The following TSEN2 variants were observed in gnomAD, a reference collection of about 807,000 sequenced individuals.
The protein encoded by TSEN2 is tRNA splicing endonuclease subunit 2.
Under a neutral mutation model 59.2 loss-of-function variants are expected in TSEN2, and 54 were observed. The observed-to-expected ratio is 0.91, with a 90% CI of 0.73 to 1.14. The LOEUF is 1.14. TSEN2 is among the 50% of genes most tolerant of loss of function. TSEN2 has a pLI of 0.00. For missense variants in TSEN2, 636 were observed against 576.2 expected (o/e 1.10, Z -1.06); for synonymous variants, 195 against 198.2 (o/e 0.98, Z 0.14).
chr3:12,495,558 T>G (rs2053663125), intron 3 of TSEN2, among the ~76,000 whole-genome samples: 1 of 152,202 alleles, frequency 6.6e-6, no homozygotes, highest in Admixed American at 6.5e-5. Context: ...GTGATTTGAT[T>G]GTTCAACCTA....
intron 8 of TSEN2, among the ~76,000 whole-genome samples, chr3:12,521,750 G>C (rs192914826): frequency 6.6e-6 from 1 of 152,074 alleles, no homozygotes; most frequent in Non-Finnish European, 1.5e-5. Flanking sequence ...GGTGGCTCAC[G>C]CCTGTAATCC....
intron 8 of TSEN2, among the ~76,000 whole-genome samples, chr3:12,522,196 G>A (rs1027105301): frequency 9.2e-5 from 14 of 151,946 alleles, no homozygotes; most frequent in African/African-American, 2.9e-4. Context: ...TGATGCATAG[G>A]GGAAGCTTCC....
chr3:12,511,815 C>T (rs1004171923), intron 6 of TSEN2, among the ~76,000 whole-genome samples: 4 of 152,236 alleles, frequency 2.6e-5, no homozygotes, highest in Non-Finnish European at 4.4e-5. Flanking sequence ...GAACCACCTG[C>T]CTTGGCCTCC....
chr3:12,517,331 C>T (rs567034061), intron 7 of TSEN2, among the ~76,000 whole-genome samples: 12 of 137,394 alleles, frequency 8.7e-5, no homozygotes, highest in African/African-American at 2.4e-4. Context: ...GCTCTCCAGC[C>T]TGGGCGACAG....
intron 3 of TSEN2, among the ~76,000 whole-genome samples, chr3:12,493,720 C>A (rs2053462600): frequency 6.6e-6 from 1 of 151,790 alleles, no homozygotes; most frequent in Non-Finnish European, 1.5e-5. Context: ...GAGCAAGACT[C>A]CGTTTCTAAA....
rs1161837787 is a variant in TSEN2, at chr3:12,519,041, T to C, written c.961-18T>C. ...GCATACATAGTAATGCTTTTTGTTT[T>C]TTTGTAAATAACTTTAGGAGCCTTT... On this transcript the variant is annotated intron_variant, in intron 7 of 11. Transcript: ENST00000284995. The C allele has an allele frequency of 1.9e-6, 3 of 1,614,008 alleles. No homozygotes were observed. Among genetic ancestry groups the C allele is most frequent in the Non-Finnish European group, 2.5e-6 (3 of 1,180,010 alleles).
At chr3:12,506,750 T>C (rs925087573) in intron 6 of TSEN2, 1 of 985,258 alleles carries the variant, frequency 1.0e-6, no homozygotes, top group African/African-American at 1.7e-5. Flanking sequence ...CTAGGACCGC[T>C]TCTTGGGCTC....
chr3:12,513,439 C>T (rs1365600667), intron 6 of TSEN2, among the ~76,000 whole-genome samples: 1 of 152,110 alleles, frequency 6.6e-6, no homozygotes, highest in African/African-American at 2.4e-5. Context: ...AGGAGGAAAA[C>T]TAAAATTAAT....
intron 7 of TSEN2, 81 bp from the exon 8 acceptor site, chr3:12,518,978 G>T (rs2056393669): frequency 7.2e-7 from 1 of 1,384,056 alleles, no homozygotes; most frequent in South Asian, 1.2e-5. Flanking sequence ...TCCACACTTA[G>T]TATAGATGTT....
chr3:12,504,640 C>G lies in TSEN2; in HGVS notation c.832-514C>G, dbSNP rs115703406. On this transcript the variant is annotated intron_variant, in intron 5 of 11. Transcript: ENST00000284995. Reference sequence around the variant, plus strand: ...TTCACCAACAAAATGATTACAACTGCAGGAAAAATTCACAGGGGAAAAAGG... The same window carrying G: ...TTCACCAACAAAATGATTACAACTGGAGGAAAAATTCACAGGGGAAAAAGG... Among the ~76,000 whole-genome samples, 477 of 152,240 alleles carry G rather than the reference C, an allele frequency of 3.1e-3. 1 individual carries two copies. Among genetic ancestry groups the G allele is most frequent in the African/African-American group, 0.01 (436 of 41,534 alleles).
chr3:12,516,759 C>A, intron 7 of TSEN2, 98 bp downstream of exon 7: 1 of 1,201,060 alleles, frequency 8.3e-7, no homozygotes, highest in Non-Finnish European at 1.2e-6. Flanking sequence ...AATGTTTCTA[C>A]TCTTACTGAA....
chr3:12,505,076 TG>T, intron 5 of TSEN2, 77 bp from the exon 6 acceptor site: 1 of 871,222 alleles, frequency 1.1e-6, no homozygotes, highest in Non-Finnish European at 1.9e-6. Flanking sequence ...ATAAGAAAAA[TG>T]TTCATTTTAA....
chr3:12,515,346 G>A (rs758266592), intron 6 of TSEN2, among the ~76,000 whole-genome samples: 1 of 152,246 alleles, frequency 6.6e-6, no homozygotes, highest in Non-Finnish European at 1.5e-5. Flanking sequence ...GCTTATGACA[G>A]GGAGGGGATT....
chr3:12,503,186 G>C, intron 4 of TSEN2, 76 bp from the exon 5 acceptor site: 1 of 1,559,710 alleles, frequency 6.4e-7, no homozygotes, highest in African/African-American at 1.4e-5. Context: ...TCACCTTCCA[G>C]TCTGTTTTAT....
In TSEN2 at chr3:12,531,576, A is replaced by T. The variant is rs370820344; in HGVS notation, c.1255A>T (p.Met419Leu). 25 of 1,606,314 alleles carry T rather than the reference A, an allele frequency of 1.6e-5. No homozygotes were observed. In the African/African-American group the frequency reaches 3.1e-4, roughly 20 times the overall value. ...GTTTTTCATTTCTCAATAGGAACTTATGCTGTGCTATTTGATTAAACCCTC... is the reference window on the plus strand; with the variant it reads ...GTTTTTCATTTCTCAATAGGAACTTTTGCTGTGCTATTTGATTAAACCCTC... ...RVSVNVSKEL[M>L]LCYLIKPSTM... The change falls in exon 11 of 12, where the codon ATG becomes TTG. Residue 419 changes from methionine (M) to leucine (L), a missense_variant. Met to Leu is a conservative substitution (Grantham distance 15, BLOSUM62 2). Transcript: ENST00000284995.
chr3:12,499,727 G>A (rs778606394), intron 4 of TSEN2, among the ~76,000 whole-genome samples: 9 of 152,140 alleles, frequency 5.9e-5, no homozygotes, highest in East Asian at 5.8e-4. Flanking sequence ...GCTAAGTATC[G>A]TGCCAGTGAT....
intron 6 of TSEN2, among the ~76,000 whole-genome samples, chr3:12,508,162 G>A (rs925469818): frequency 6.6e-6 from 1 of 152,202 alleles, no homozygotes; most frequent in Non-Finnish European, 1.5e-5. Context: ...TTCCGTGTCA[G>A]ATGCTGGGAG....
chr3:12,493,031 A>G (rs796530982), intron 3 of TSEN2, among the ~76,000 whole-genome samples: 2 of 152,276 alleles, frequency 1.3e-5, no homozygotes, highest in South Asian at 2.1e-4. Flanking sequence ...CAATCATACA[A>G]TATTTGCCCT....
upstream of TSEN2, among the ~76,000 whole-genome samples, chr3:12,482,270 C>T (rs2052201949): frequency 6.6e-6 from 1 of 152,110 alleles, no homozygotes; most frequent in Non-Finnish European, 1.5e-5. Flanking sequence ...TATAGGCATG[C>T]ACCACCATGT....
Sources: allele counts gnomAD v4.1 joint callset (sites outside exome capture counted in the v4.1 genomes callset), GRCh38; gene constraint gnomAD v4.1.1; transcripts MANE v1.5; gene names NCBI Gene and HGNC (gene_info 2026-07-23, HGNC 2026-07-21).